The following FBXL17 variants were observed in gnomAD, a reference collection of about 807,000 sequenced individuals.
The protein encoded by FBXL17 is F-box and leucine rich repeat protein 17, also known as F-box/LRR-repeat protein 17.
Under a neutral mutation model 66.2 loss-of-function variants are expected in FBXL17, and 22 were observed. The observed-to-expected ratio is 0.33, with a 90% CI of 0.24 to 0.47. The LOEUF (loss-of-function observed/expected upper bound fraction) is 0.47, where lower values mean the gene tolerates loss of function less well. Ranked by LOEUF, FBXL17 falls within the 20% of genes least tolerant of loss-of-function variation. The pLI is 1.00. For missense variants in FBXL17, 878 were observed against 948.2 expected (o/e 0.93, Z 0.97); for synonymous variants, 474 against 400.5 (o/e 1.18, Z -2.19).
rs1459795267 is a variant in FBXL17 at position 107,899,186 on chromosome 5, AT to A, written c.1823-18008del. Among the ~76,000 whole-genome samples, 5 of 152,272 alleles carry A rather than the reference AT, an allele frequency of 3.3e-5. No homozygotes were observed. The East Asian group carries it at 9.7e-4, about 29-fold the overall frequency. ...TCTAACTGGCATGAGATGGTATCTC[AT>A]TGTGGTTTTGATTTGCATTTCTCTA... On this transcript the variant is annotated intron_variant, in intron 7 of 8. Coordinates refer to ENST00000542267, the MANE Select transcript of FBXL17 (RefSeq NM_001163315.3).
rs1049658327 is a variant in FBXL17, at chr5:108,373,352, C to G, written c.994-5399G>C. Among the ~76,000 whole-genome samples, 11 of 91,120 alleles carry G rather than the reference C, an allele frequency of 1.2e-4. 1 individual carries two copies. The highest frequency in any genetic ancestry group is 1.8e-4 in the African/African-American group (4 of 22,726). 59.8% of individuals were successfully genotyped at this position (91,120 alleles called of 152,430 possible). A position where few individuals can be genotyped will look rare whatever the true frequency, so the allele number is the denominator to read the frequency against. On this transcript the variant is annotated intron_variant, in intron 1 of 8. Transcript: ENST00000542267. Reference sequence around the variant, plus strand: ...TAATATATATCTAAATATAATATATCTAAATATATATTAATATAAATATAT... The same window carrying G: ...TAATATATATCTAAATATAATATATGTAAATATATATTAATATAAATATAT...
At position 108,229,289 on chromosome 5, in the gene FBXL17, G is replaced by T. The variant is rs115316579; in HGVS notation, c.1507-5061C>A. On this transcript the variant is annotated intron_variant, in intron 4 of 8. Coordinates refer to ENST00000542267, the MANE Select transcript of FBXL17 (RefSeq NM_001163315.3). ...AAAAACAAAAACAAAAAACAAATCT[G>T]GGGGCATCACATTACAAGTTCAAAC... Among the ~76,000 whole-genome samples the T allele has an allele frequency of 9.0e-3, 1,371 of 152,126 alleles. 22 individuals are homozygous for T. Among genetic ancestry groups the T allele is most frequent in the African/African-American group, 0.03 (1,245 of 41,500 alleles).
intron 8 of FBXL17, among the ~76,000 whole-genome samples, chr5:107,872,428 C>T (rs78642285): frequency 0.015 from 2,232 of 152,276 alleles, 53 homozygotes; most frequent in African/African-American, 0.049. Flanking sequence ...TGGGATCTGA[C>T]GGTTTTCAAA....
At position 108,371,765 on chromosome 5, in the gene FBXL17, T is replaced by A. The variant is rs996150532; in HGVS notation, c.994-3812A>T. On this transcript the variant is annotated intron_variant, in intron 1 of 8. Coordinates refer to ENST00000542267, the MANE Select transcript of FBXL17 (RefSeq NM_001163315.3). Reference sequence around the variant, plus strand: ...ATCAAATAAGAATTATAGAACTAAATTATACAGTAATGACATTTTAAAATT... The same window carrying A: ...ATCAAATAAGAATTATAGAACTAAAATATACAGTAATGACATTTTAAAATT... Among the ~76,000 whole-genome samples the A allele has an allele frequency of 5.3e-5, 8 of 152,170 alleles. No homozygotes were observed. In the South Asian group the frequency reaches 6.2e-4, roughly 12 times the overall value.
At chr5:108,359,716 T>C (rs964353626) in intron 3 of FBXL17, among the ~76,000 whole-genome samples, 4 of 152,154 alleles carry the variant, frequency 2.6e-5, no homozygotes, top group African/African-American at 9.7e-5. Flanking sequence ...TGATCAAACA[T>C]ATGGTCTATC....
chr5:108,045,022 C>T (rs185928387), intron 6 of FBXL17, among the ~76,000 whole-genome samples: 31 of 152,246 alleles, frequency 2.0e-4, no homozygotes, highest in African/African-American at 7.0e-4. Context: ...TGTATCTTAT[C>T]TCGTTCTTTG....
chr5:108,038,101 G>A (rs1746913572), intron 6 of FBXL17, among the ~76,000 whole-genome samples: 1 of 152,114 alleles, frequency 6.6e-6, no homozygotes, highest in African/African-American at 2.4e-5. Flanking sequence ...TGCAAAAATA[G>A]GGAACGGGAT....
chr5:108,002,101 C>T (rs751496329), intron 7 of FBXL17, among the ~76,000 whole-genome samples: 34 of 151,914 alleles, frequency 2.2e-4, no homozygotes, highest in Non-Finnish European at 3.8e-4. Flanking sequence ...CTGCAACCTC[C>T]GCCTCCCGGA....
intron 8 of FBXL17, chr5:107,879,930 G>C: frequency 7.1e-6 from 7 of 984,354 alleles, no homozygotes; most frequent in South Asian, 4.7e-5. Flanking sequence ...AGAGTATCCT[G>C]GGGCCACTGA....
At chr5:108,146,546 ATCTT>A (rs1751569446) in intron 6 of FBXL17, among the ~76,000 whole-genome samples, 1 of 152,192 alleles carries the variant, frequency 6.6e-6, no homozygotes, top group Non-Finnish European at 1.5e-5. Context: ...TAAGAATCAA[ATCTT>A]TCTTTGAGTT....
intron 3 of FBXL17, among the ~76,000 whole-genome samples, chr5:108,351,843 GT>G (rs1275037097): frequency 1.3e-5 from 2 of 152,190 alleles, no homozygotes; most frequent in Non-Finnish European, 2.9e-5. Context: ...AATAAGTGTG[GT>G]TTTTGGTGAA....
intron 7 of FBXL17, among the ~76,000 whole-genome samples, chr5:107,909,084 C>G (rs1749861625): frequency 6.6e-6 from 1 of 152,052 alleles, no homozygotes; most frequent in South Asian, 2.1e-4. Context: ...TTAGAGCAAC[C>G]TATATTGAGA....
At chr5:108,210,654 G>A (rs1228425644) in intron 5 of FBXL17, among the ~76,000 whole-genome samples, 8 of 152,186 alleles carry the variant, frequency 5.3e-5, no homozygotes, top group African/African-American at 1.9e-4. Context: ...GTTCTAATTT[G>A]ATTGCACTGT....
chr5:107,972,446 C>T (rs1752406627), intron 7 of FBXL17, among the ~76,000 whole-genome samples: 4 of 152,140 alleles, frequency 2.6e-5, no homozygotes, highest in Admixed American at 2.6e-4. Context: ...AGTGTTCATT[C>T]ATTTTAAACA....
chr5:107,965,334 A>G (rs1182220569), intron 7 of FBXL17, among the ~76,000 whole-genome samples: 1 of 152,192 alleles, frequency 6.6e-6, no homozygotes, highest in Non-Finnish European at 1.5e-5. Context: ...AAATAAAAAC[A>G]AAAGATGAAA....
chr5:108,004,885 C>T (rs1753865841), intron 7 of FBXL17, among the ~76,000 whole-genome samples: 1 of 152,146 alleles, frequency 6.6e-6, no homozygotes. Context: ...CACAAAAATT[C>T]ATATTAGCTA....
At chr5:108,115,814 C>G (rs1252064273) in intron 6 of FBXL17, among the ~76,000 whole-genome samples, 2 of 152,078 alleles carry the variant, frequency 1.3e-5, no homozygotes, top group Non-Finnish European at 2.9e-5. Flanking sequence ...GAGAAGGCCC[C>G]AAGATATCTT....
intron 4 of FBXL17, among the ~76,000 whole-genome samples, chr5:108,327,625 A>G (rs1386078523): frequency 6.6e-6 from 1 of 152,210 alleles, no homozygotes; most frequent in Non-Finnish European, 1.5e-5. Context: ...AGAGTTTTGA[A>G]AACAACAAGC....
At chr5:107,948,506 T>G (rs553846745) in intron 7 of FBXL17, among the ~76,000 whole-genome samples, 2 of 152,328 alleles carry the variant, frequency 1.3e-5, no homozygotes, top group African/African-American at 2.4e-5. Flanking sequence ...CTCTTGCTTA[T>G]ACTTTTTAAT....
Sources: allele counts gnomAD v4.1 joint callset (sites outside exome capture counted in the v4.1 genomes callset), GRCh38; gene constraint gnomAD v4.1.1; transcripts MANE v1.5; gene names NCBI Gene and HGNC (gene_info 2026-07-23, HGNC 2026-07-21).